Variants in EIF2A observed in about 807,000 individuals in gnomAD.
EIF2A encodes 65 kDa eukaryotic translation initiation factor 2A.
Under a neutral mutation model 75.2 loss-of-function variants are expected in EIF2A, and 62 were observed. The observed-to-expected ratio is 0.82, with a 90% CI of 0.67 to 1.02. EIF2A has a LOEUF of 1.02. EIF2A is among the 50% of genes least tolerant of loss of function. EIF2A has a pLI of 0.00. For missense variants in EIF2A, 611 were observed against 677.7 expected, an observed-to-expected ratio of 0.90 and a Z score of 1.09; for synonymous variants, 207 against 239.0, an observed-to-expected ratio of 0.87 and a Z score of 1.23.
At chr3:150,575,456 A>C (rs1164058861) in intron 10 of EIF2A, among the ~76,000 whole-genome samples, 193 bp from the exon 11 acceptor site, 1 of 152,230 alleles carries the variant, frequency 6.6e-6, no homozygotes, top group Non-Finnish European at 1.5e-5. Context: ...TATAGGAACT[A>C]ATAGGAAGAC....
chr3:150,568,315 T>C, intron 9 of EIF2A, 23 bp downstream of exon 9: 2 of 1,557,506 alleles, frequency 1.3e-6, no homozygotes, highest in Non-Finnish European at 1.8e-6. Flanking sequence ...GCAGTCTTCC[T>C]TTGATTAGAA....
At chr3:150,560,593 T>G (rs2107919228) in intron 3 of EIF2A, among the ~76,000 whole-genome samples, 1 of 152,324 alleles carries the variant, frequency 6.6e-6, no homozygotes, top group Admixed American at 6.5e-5. Flanking sequence ...GGTGTGTGTG[T>G]TTAAATACTA....
intron 11 of EIF2A, among the ~76,000 whole-genome samples, chr3:150,577,097 C>T (rs765112561): frequency 1.1e-4 from 17 of 152,136 alleles, no homozygotes; most frequent in Admixed American, 3.3e-4. Flanking sequence ...TGGTGAGAAC[C>T]CGTTCATCAT....
chr3:150,546,856 C>T, intron 1 of EIF2A, 26 bp downstream of exon 1: 2 of 1,611,004 alleles, frequency 1.2e-6, no homozygotes, highest in Middle Eastern at 2.0e-4. Context: ...GCGAGGGACT[C>T]TCTTTCTTCA....
chr3:150,570,854 G>A (rs912788048), intron 9 of EIF2A, among the ~76,000 whole-genome samples: 1 of 132,574 alleles, frequency 7.5e-6, no homozygotes, highest in Non-Finnish European at 1.7e-5. Flanking sequence ...ATCACCTGAC[G>A]TTAGGAGTTC....
intron 6 of EIF2A, 109 bp downstream of exon 6, chr3:150,564,490 C>A (rs1576595535): frequency 1.4e-6 from 1 of 736,858 alleles, no homozygotes; most frequent in Non-Finnish European, 2.1e-6. Flanking sequence ...ATCTATTAAT[C>A]AATAATTACT....
intron 2 of EIF2A, among the ~76,000 whole-genome samples, chr3:150,556,926 A>T (rs1723599505): frequency 6.6e-6 from 1 of 152,220 alleles, no homozygotes; most frequent in South Asian, 2.1e-4. Context: ...CAGACAGAAT[A>T]ATAGAATACA....
At chr3:150,566,319 G>A (rs1438589770) in intron 6 of EIF2A, 1 of 151,980 alleles carries the variant, frequency 6.6e-6, no homozygotes, top group Non-Finnish European at 1.5e-5. Flanking sequence ...CGCCTTTTTG[G>A]TGTGCTACTT....
At chr3:150,554,944 TTTTTCCAGAGTC>T (rs1167968400) in intron 2 of EIF2A, among the ~76,000 whole-genome samples, 2 of 152,206 alleles carry the variant, frequency 1.3e-5, no homozygotes, top group Admixed American at 1.3e-4. Flanking sequence ...TGCACTTTTT[TTTTTCCAGAGTC>T]TTGCTCTGCT....
At chr3:150,549,821 C>T (rs1335346119) in intron 1 of EIF2A, among the ~76,000 whole-genome samples, 2 of 152,270 alleles carry the variant, frequency 1.3e-5, no homozygotes, top group East Asian at 1.9e-4. Flanking sequence ...ATGTCCATTA[C>T]GTGAAATTCA....
chr3:150,573,814 G>T (rs1724685426), intron 10 of EIF2A, among the ~76,000 whole-genome samples: 1 of 152,030 alleles, frequency 6.6e-6, no homozygotes, highest in East Asian at 1.9e-4. Context: ...AGGTGTTGGG[G>T]TTCGTCCCTC....
chr3:150,563,878 C>T (rs548101489), intron 5 of EIF2A, among the ~76,000 whole-genome samples: 1 of 152,158 alleles, frequency 6.6e-6, no homozygotes, highest in Non-Finnish European at 1.5e-5. Context: ...AGTGCAATGG[C>T]CTGATCTTGG....
rs144293059 is a variant in EIF2A, at chr3:150,553,690, C to T, written c.98+1265C>T. ...CCTCCCAAAGTGCTGGGATTACAGACGTGAGCCACCATGCCTGGCCTAATA... is the reference window on the plus strand; with the variant it reads ...CCTCCCAAAGTGCTGGGATTACAGATGTGAGCCACCATGCCTGGCCTAATA... On this transcript the variant is annotated intron_variant, in intron 2 of 13. Coordinates refer to ENST00000460851, the MANE Select transcript of EIF2A (RefSeq NM_032025.5). Among the ~76,000 whole-genome samples, 184 of 152,026 alleles carry T rather than the reference C, an allele frequency of 1.2e-3. 1 individual carries two copies. Among genetic ancestry groups the T allele is most frequent in the African/African-American group, 4.0e-3 (166 of 41,482 alleles).
intron 9 of EIF2A, among the ~76,000 whole-genome samples, chr3:150,568,960 T>C (rs1724348516): frequency 1.3e-5 from 2 of 152,208 alleles, no homozygotes; most frequent in South Asian, 2.1e-4. Context: ...TCTGTTGTTT[T>C]AATGAACTAA....
At chr3:150,561,965 G>A (rs1188195266) in intron 3 of EIF2A, among the ~76,000 whole-genome samples, 3 of 151,650 alleles carry the variant, frequency 2.0e-5, no homozygotes, top group African/African-American at 7.3e-5. Flanking sequence ...CTCCATGTTG[G>A]CCAGGCTGGT....
chr3:150,576,709 A>G (rs1008753650), intron 11 of EIF2A, among the ~76,000 whole-genome samples: 1 of 152,234 alleles, frequency 6.6e-6, no homozygotes, highest in Non-Finnish European at 1.5e-5. Flanking sequence ...TACTAAGAGA[A>G]GCTGGAAATT....
chr3:150,565,387 T>G lies in EIF2A; in HGVS notation c.475+1006T>G, dbSNP rs1362259387. Reference sequence around the variant, plus strand: ...GGTTGCAAATTGTTGATACTCTGGTTTTTTCTCCCTCACTTATTTTTCAGC... The same window carrying G: ...GGTTGCAAATTGTTGATACTCTGGTGTTTTCTCCCTCACTTATTTTTCAGC... On this transcript the variant is annotated intron_variant, in intron 6 of 13. Transcript: ENST00000460851. Among the ~76,000 whole-genome samples, 3 of 152,188 alleles carry G rather than the reference T, an allele frequency of 2.0e-5. No individual in the cohort carries two copies. In the East Asian group the frequency reaches 5.8e-4, roughly 29 times the overall value.
At position 150,583,973 on chromosome 3, in the gene EIF2A, A is replaced by G; in HGVS notation, c.*62A>G. On this transcript the variant is annotated 3_prime_UTR_variant, in exon 14 of 14. Transcript: ENST00000460851. Reference sequence around the variant, plus strand: ...TGCAAACACATCTTCTGTTAAACCCATTGGTATACACAGAATATTCCTGTG... The same window carrying G: ...TGCAAACACATCTTCTGTTAAACCCGTTGGTATACACAGAATATTCCTGTG... 5.3e-6 allele frequency: 8 copies of G among 1,504,960 alleles called. No individual in the cohort carries two copies. The South Asian group carries it at 8.0e-5, about 15-fold the overall frequency. 93.2% of individuals were successfully genotyped at this position (1,504,960 alleles called of 1,614,324 possible). A position where few individuals can be genotyped will look rare whatever the true frequency, so the allele number is the denominator to read the frequency against.
intron 2 of EIF2A, among the ~76,000 whole-genome samples, chr3:150,556,189 A>G (rs1723555098): frequency 6.6e-6 from 1 of 152,206 alleles, no homozygotes; most frequent in Non-Finnish European, 1.5e-5. Flanking sequence ...AGAGTTAGGT[A>G]GATACAAGGA....
Sources: gnomAD v4.1 joint callset for allele counts (sites outside exome capture counted in the v4.1 genomes callset) on GRCh38, gnomAD v4.1.1 for gene constraint, MANE v1.5 for transcripts, NCBI Gene and HGNC (gene_info 2026-07-23, HGNC 2026-07-21) for gene names.